DLC1: variants seen among roughly 807,000 people sequenced by gnomAD.
The protein encoded by DLC1 is DLC1 Rho GTPase activating protein.
In DLC1, 54 loss-of-function variants were observed where a neutral mutation model predicts 140.3. The observed-to-expected ratio is 0.38, with a 90% CI of 0.31 to 0.48. The LOEUF is 0.48. Among genes scored for constraint, DLC1 ranks in the 20% least tolerant of loss-of-function variants. DLC1 has a pLI of 0.96. For missense variants in DLC1, 2,536 were observed against 1,907.0 expected (o/e 1.33, Z -6.14); for synonymous variants, 986 against 728.1 (o/e 1.35, Z -5.70).
At chr8:13,092,060 C>G (rs1818122735) in intron 13 of DLC1, among the ~76,000 whole-genome samples, 1 of 152,148 alleles carries the variant, frequency 6.6e-6, no homozygotes, top group Non-Finnish European at 1.5e-5. Flanking sequence ...GCCTGGCCAA[C>G]ATGGTGAAAC....
chr8:13,487,629 A>G (rs1013980978), intron 2 of DLC1, among the ~76,000 whole-genome samples: 15 of 151,150 alleles, frequency 9.9e-5, no homozygotes, highest in African/African-American at 3.6e-4. Context: ...GCTGGAGTGC[A>G]ATGGCGTGAG....
At chr8:13,407,236 T>A (rs1837609039) in intron 2 of DLC1, among the ~76,000 whole-genome samples, 1 of 152,194 alleles carries the variant, frequency 6.6e-6, no homozygotes, top group Admixed American at 6.5e-5. Context: ...GCCTCTTTGA[T>A]TGCAGTGGTA....
chr8:13,407,604 T>C lies in DLC1; in HGVS notation c.1024-5985A>G, dbSNP rs191003487. 6.9e-4 allele frequency among the ~76,000 whole-genome samples: 105 copies of C among 152,324 alleles called. 1 individual carries two copies. Among genetic ancestry groups the C allele is most frequent in the Middle Eastern group, 3.4e-3 (1 of 294 alleles). ...CCAGATGCTTCCAAATAGTGGACGA[T>C]TGGTTTGGCATATATAGCATTGCTT... is the stretch of plus-strand genomic sequence containing the variant. On this transcript the variant is annotated intron_variant, in intron 2 of 17. Transcript: ENST00000276297.
At chr8:13,475,437 G>C (rs1169965631) in intron 2 of DLC1, among the ~76,000 whole-genome samples, 2 of 152,178 alleles carry the variant, frequency 1.3e-5, no homozygotes, top group African/African-American at 2.4e-5. Context: ...GCTAAGCACA[G>C]TGGTTAAAAT....
chr8:13,120,356 A>AAAATATATATATATATATATATAT, intron 5 of DLC1, among the ~76,000 whole-genome samples: 9 of 61,120 alleles, frequency 1.5e-4, no homozygotes, highest in Non-Finnish European at 7.5e-5. Context: ...AAAAAAAAAA[A>AAAATATATATATATATATATATAT]ATATATATAT....
intron 2 of DLC1, among the ~76,000 whole-genome samples, chr8:13,436,404 C>A (rs1042925067): frequency 7.2e-5 from 11 of 152,186 alleles, no homozygotes; most frequent in Non-Finnish European, 1.6e-4. Context: ...AATTACCTAT[C>A]AAGAGTTAAT....
At chr8:13,165,300 A>G (rs1825029358) in intron 5 of DLC1, among the ~76,000 whole-genome samples, 1 of 152,172 alleles carries the variant, frequency 6.6e-6, no homozygotes, top group African/African-American at 2.4e-5. Flanking sequence ...TAAAAGAAAG[A>G]AGGAGATGAA....
intron 2 of DLC1, among the ~76,000 whole-genome samples, chr8:13,410,077 A>T (rs771620743): frequency 6.6e-6 from 1 of 152,148 alleles, no homozygotes; most frequent in Non-Finnish European, 1.5e-5. Context: ...CTCCTATATT[A>T]ACAGATTTAA....
chr8:13,193,767 A>G (rs2117036796), intron 5 of DLC1, among the ~76,000 whole-genome samples: 1 of 152,318 alleles, frequency 6.6e-6, no homozygotes, highest in South Asian at 2.1e-4. Flanking sequence ...ATTGCTGAAA[A>G]GAATGCCAAC....
intron 2 of DLC1, among the ~76,000 whole-genome samples, chr8:13,432,365 T>A (rs555282793): frequency 3.7e-4 from 56 of 152,292 alleles, no homozygotes; most frequent in African/African-American, 1.3e-3. Context: ...AATTAAAATG[T>A]GAACAGTGAT....
At chr8:13,552,516 A>G (rs887731666) in intron 1 of DLC1, among the ~76,000 whole-genome samples, 13 of 151,336 alleles carry the variant, frequency 8.6e-5, no homozygotes, top group African/African-American at 2.9e-4. Flanking sequence ...TGATAGAAGT[A>G]TCAGCTGTAA....
At chr8:13,147,268 C>G (rs1315456599) in intron 5 of DLC1, among the ~76,000 whole-genome samples, 1 of 152,170 alleles carries the variant, frequency 6.6e-6, no homozygotes. Flanking sequence ...ATCTCCACTA[C>G]AAAACTGAAG....
intron 5 of DLC1, among the ~76,000 whole-genome samples, chr8:13,182,692 G>A (rs1033495325): frequency 6.6e-6 from 1 of 152,058 alleles, no homozygotes; most frequent in Non-Finnish European, 1.5e-5. Flanking sequence ...CTCTGTTTTG[G>A]TACCAGTACC....
Position 13,453,406 on chromosome 8 carries a change from ATATAT to A in DLC1, c.1023+45638_1023+45642del, listed in dbSNP as rs1799171459. Among the ~76,000 whole-genome samples the A allele has an allele frequency of 6.7e-5, 3 of 44,706 alleles. 1 individual carries two copies. The highest frequency in any genetic ancestry group is 1.0e-4 in the Non-Finnish European group (3 of 29,746). 29.3% of individuals were successfully genotyped at this position (44,706 alleles called of 152,430 possible). A position where few individuals can be genotyped will look rare whatever the true frequency, so the allele number is the denominator to read the frequency against. ...GCCCAGGATATATATATATATGTGTATATATATATATATATATGTGTATATATATA... is the reference window on the plus strand; with the variant it reads ...GCCCAGGATATATATATATATGTGTAATATATATATATGTGTATATATATA... On this transcript the variant is annotated intron_variant, in intron 2 of 17. Transcript: ENST00000276297.
intron 4 of DLC1, among the ~76,000 whole-genome samples, chr8:13,319,843 G>C (rs1411182585): frequency 3.6e-4 from 1 of 2,808 alleles, no homozygotes; most frequent in African/African-American, 6.1e-4. Flanking sequence ...TTTTTTTTGA[G>C]ATGGAGTCTC....
At chr8:13,172,655 G>A (rs1216021219) in intron 5 of DLC1, among the ~76,000 whole-genome samples, 1 of 152,228 alleles carries the variant, frequency 6.6e-6, no homozygotes, top group African/African-American at 2.4e-5. Flanking sequence ...TCAGTTAGGA[G>A]CATGTACTGT....
At chr8:13,595,053 C>T (rs565694603) in intron 1 of DLC1, among the ~76,000 whole-genome samples, 132 of 151,974 alleles carry the variant, frequency 8.7e-4, no homozygotes, top group African/African-American at 3.1e-3. Context: ...GGATCACACA[C>T]CGCAGTTTTC....
intron 1 of DLC1, among the ~76,000 whole-genome samples, chr8:13,574,071 A>G (rs563681321): frequency 1.2e-4 from 18 of 152,290 alleles, no homozygotes; most frequent in Admixed American, 5.9e-4. Context: ...AAAAGAAGAA[A>G]ATAATCTTCT....
chr8:13,239,073 A>G (rs947272417), intron 5 of DLC1, among the ~76,000 whole-genome samples: 1 of 152,138 alleles, frequency 6.6e-6, no homozygotes. Context: ...TTCTTGCTTT[A>G]TATAAAAAGG....
Sources: allele counts gnomAD v4.1 joint callset (sites outside exome capture counted in the v4.1 genomes callset), GRCh38; gene constraint gnomAD v4.1.1; transcripts MANE v1.5; gene names NCBI Gene and HGNC (gene_info 2026-07-23, HGNC 2026-07-21).